NTM: variants seen among roughly 807,000 people sequenced by gnomAD.
NTM encodes the protein IgLON family member 2.
In NTM, 13 loss-of-function variants were observed where a neutral mutation model predicts 42.1. The observed-to-expected ratio is 0.31, with a 90% CI of 0.20 to 0.49. The LOEUF (loss-of-function observed/expected upper bound fraction) is 0.49, where lower values mean the gene tolerates loss of function less well. Among genes scored for constraint, NTM ranks in the 20% least tolerant of loss-of-function variants. The pLI is 0.99. For synonymous variants in NTM, 187 were observed against 179.2 expected (o/e 1.04, Z -0.35); for missense variants, 373 against 452.8 (o/e 0.82, Z 1.60).
rs71475759 is a variant in NTM, at chr11:131,500,577, ATTTTTTTT to A, written c.82+129700_82+129707del. Among the ~76,000 whole-genome samples the A allele has an allele frequency of 5.5e-3, 417 of 76,162 alleles. 6 individuals carry two copies. The highest frequency in any genetic ancestry group is 0.027 in the African/African-American group (332 of 12,270). 50.0% of individuals were successfully genotyped at this position (76,162 alleles called of 152,430 possible). On this transcript the variant is annotated intron_variant, in intron 1 of 8. Transcript: ENST00000683400. The stretch of plus-strand genomic sequence containing the variant: ...TATATATATATATATATATATATAT[ATTTTTTTT>A]TTTTTTTTTTGTATTATACTTTAAG...
chr11:132,258,074 G>T (rs2092616460), intron 4 of NTM, among the ~76,000 whole-genome samples: 2 of 152,224 alleles, frequency 1.3e-5, no homozygotes, highest in South Asian at 4.1e-4. Flanking sequence ...CAGAGATCTT[G>T]GCTGGGGACA....
intron 1 of NTM, among the ~76,000 whole-genome samples, chr11:131,373,258 C>T (rs1941467139): frequency 6.6e-6 from 1 of 152,206 alleles, no homozygotes; most frequent in African/African-American, 2.4e-5. Context: ...TAATCCACCC[C>T]TATTGCATTG....
intron 1 of NTM, among the ~76,000 whole-genome samples, chr11:131,399,382 A>T (rs1422093390): frequency 6.6e-6 from 1 of 152,164 alleles, no homozygotes; most frequent in Admixed American, 6.5e-5. Flanking sequence ...TCTACAACCC[A>T]AAAGAAGAGT....
chr11:132,042,484 T>C (rs1444243595), intron 2 of NTM, among the ~76,000 whole-genome samples: 1 of 152,186 alleles, frequency 6.6e-6, no homozygotes, highest in Non-Finnish European at 1.5e-5. Flanking sequence ...GATGCTGGGA[T>C]TTTCCACAGC....
chr11:131,481,333 C>T (rs770859292), intron 1 of NTM, among the ~76,000 whole-genome samples: 10 of 152,216 alleles, frequency 6.6e-5, no homozygotes, highest in Non-Finnish European at 1.5e-4. Flanking sequence ...CTCCCATCTC[C>T]ACAATTACAT....
intron 1 of NTM, chr11:131,662,554 T>G (rs1010199430): frequency 6.6e-6 from 1 of 152,064 alleles, no homozygotes; most frequent in Admixed American, 6.6e-5. Flanking sequence ...AACATGGTAA[T>G]AAGAAGGTGG....
chr11:131,604,408 T>A (rs2137456973), intron 1 of NTM, among the ~76,000 whole-genome samples: 1 of 152,324 alleles, frequency 6.6e-6, no homozygotes, highest in South Asian at 2.1e-4. Context: ...TAAGAGTTCT[T>A]CATATATGTG....
intron 1 of NTM, among the ~76,000 whole-genome samples, chr11:131,563,579 C>CTT (rs71911433): frequency 0.22 from 19,340 of 88,372 alleles, 2,233 homozygotes; most frequent in East Asian, 0.32. Flanking sequence ...GCTCCAGACA[C>CTT]TTTTTTTTTT....
intron 2 of NTM, among the ~76,000 whole-genome samples, chr11:132,069,040 C>T (rs1169222086): frequency 1.6e-4 from 25 of 152,212 alleles, no homozygotes; most frequent in Non-Finnish European, 1.5e-5. Context: ...GCCAAGTTAA[C>T]ATGTCAAACT....
At chr11:131,799,432 G>T (rs7940263) in intron 1 of NTM, among the ~76,000 whole-genome samples, 6,230 of 152,036 alleles carry the variant, frequency 0.041, 444 homozygotes, top group African/African-American at 0.14. Flanking sequence ...AAATCAAAAA[G>T]GATTTTATTT....
chr11:132,329,427 G>T, intron 7 of NTM, among the ~76,000 whole-genome samples: 1 of 152,210 alleles, frequency 6.6e-6, no homozygotes, highest in East Asian at 1.9e-4. Flanking sequence ...GCAGAGAGGG[G>T]CCAGCCTCCC....
At chr11:132,272,025 T>G (rs78628749) in intron 4 of NTM, among the ~76,000 whole-genome samples, 5 of 152,170 alleles carry the variant, frequency 3.3e-5, no homozygotes, top group African/African-American at 1.2e-4. Context: ...GAACTTATAT[T>G]ATGTATCTTG....
chr11:131,727,985 G>C lies in NTM; in HGVS notation c.83-183579G>C, dbSNP rs142615510. On this transcript the variant is annotated intron_variant, in intron 1 of 8. Coordinates refer to ENST00000683400, the MANE Select transcript of NTM (RefSeq NM_001352005.2). ...CTTGTATACCATGTTGCCTAATGTAGAGTCGAGGTCAGAGTAATAACAACA... is the reference window on the plus strand; with the variant it reads ...CTTGTATACCATGTTGCCTAATGTACAGTCGAGGTCAGAGTAATAACAACA... Among the ~76,000 whole-genome samples, 49 of 152,312 alleles carry C rather than the reference G, an allele frequency of 3.2e-4. 1 individual carries two copies. In the East Asian group the frequency reaches 7.9e-3, roughly 25 times the overall value.
At chr11:131,656,632 G>A (rs1442530785) in intron 1 of NTM, among the ~76,000 whole-genome samples, 1 of 152,192 alleles carries the variant, frequency 6.6e-6, no homozygotes, top group Non-Finnish European at 1.5e-5. Flanking sequence ...GGGTTTTCCG[G>A]TTCTGGTTTG....
chr11:132,052,526 T>C lies in NTM; in HGVS notation c.168-93756T>C, dbSNP rs190325341. 1.9e-4 allele frequency among the ~76,000 whole-genome samples: 29 copies of C among 152,308 alleles called. No homozygotes were observed. In the East Asian group the frequency reaches 5.2e-3, roughly 27 times the overall value. Reference sequence around the variant, plus strand: ...AGGGAGAGTGAGATTCAGAGAGATGTACTCCACCCTGTTCATTCCAGAAGA... The same window carrying C: ...AGGGAGAGTGAGATTCAGAGAGATGCACTCCACCCTGTTCATTCCAGAAGA... On this transcript the variant is annotated intron_variant, in intron 2 of 8. Coordinates refer to ENST00000683400, the MANE Select transcript of NTM (RefSeq NM_001352005.2).
intron 2 of NTM, among the ~76,000 whole-genome samples, chr11:131,988,848 A>T (rs2066516741): frequency 6.6e-6 from 1 of 152,202 alleles, no homozygotes; most frequent in Admixed American, 6.5e-5. Context: ...TATGTGATGA[A>T]AACGTAGTAC....
chr11:131,965,938 G>A (rs2062777063), intron 2 of NTM, among the ~76,000 whole-genome samples: 1 of 147,580 alleles, frequency 6.8e-6, no homozygotes, highest in Admixed American at 6.8e-5. Context: ...AGGGAGGGAA[G>A]GGGGAAGGAA....
chr11:131,671,466 A>G, intron 1 of NTM: 1 of 985,376 alleles, frequency 1.0e-6, no homozygotes, highest in Non-Finnish European at 1.2e-6. Context: ...GGGCTTGCAG[A>G]GAATGTGGTT....
chr11:132,320,593 T>G (rs1334412818), intron 7 of NTM, among the ~76,000 whole-genome samples: 1 of 152,120 alleles, frequency 6.6e-6, no homozygotes, highest in Non-Finnish European at 1.5e-5. Context: ...GCAGTGAGGC[T>G]GGGGGAGGGG....
Sources: allele counts gnomAD v4.1 joint callset (sites outside exome capture counted in the v4.1 genomes callset), GRCh38; gene constraint gnomAD v4.1.1; transcripts MANE v1.5; gene names NCBI Gene and HGNC (gene_info 2026-07-23, HGNC 2026-07-21).